CTNNA3: variants seen among roughly 807,000 people sequenced by gnomAD.
The protein encoded by CTNNA3 is catenin alpha 3, also known as catenin alpha-3.
A neutral mutation model predicts 95.7 loss-of-function variants in CTNNA3; 76 were observed. The observed-to-expected ratio is 0.79, with a 90% CI of 0.66 to 0.96. The LOEUF (loss-of-function observed/expected upper bound fraction) is 0.96, where lower values mean the gene tolerates loss of function less well. CTNNA3 is among the 40% of genes least tolerant of loss of function. The probability of loss-of-function intolerance (pLI) is 0.00; values close to 1 mark genes in which losing one functional copy is unlikely to be tolerated. For synonymous variants in CTNNA3, 431 were observed against 374.4 expected, an observed-to-expected ratio of 1.15 and a Z score of -1.74; for missense variants, 1,191 against 1,089.8, an observed-to-expected ratio of 1.09 and a Z score of -1.31.
At chr10:65,958,274 T>A (rs2077772552) in intron 17 of CTNNA3, among the ~76,000 whole-genome samples, 1 of 152,148 alleles carries the variant, frequency 6.6e-6, no homozygotes, top group Non-Finnish European at 1.5e-5. Context: ...TTATTCTAGT[T>A]AGCCATTCGT....
At chr10:66,329,197 C>T (rs2132312107) in intron 12 of CTNNA3, among the ~76,000 whole-genome samples, 1 of 151,812 alleles carries the variant, frequency 6.6e-6, no homozygotes, top group Non-Finnish European at 1.5e-5. Context: ...GTGATACACC[C>T]ACCTCAGCCT....
At chr10:67,290,242 T>C (rs535311184) in intron 5 of CTNNA3, among the ~76,000 whole-genome samples, 1 of 152,330 alleles carries the variant, frequency 6.6e-6, no homozygotes, top group African/African-American at 2.4e-5. Context: ...TATTTTATTT[T>C]GGTTTATTGG....
At chr10:66,179,311 A>G (rs572583808) in intron 13 of CTNNA3, among the ~76,000 whole-genome samples, 1 of 152,166 alleles carries the variant, frequency 6.6e-6, no homozygotes, top group South Asian at 2.1e-4. Context: ...CAAAAAGGCT[A>G]TATACTGTAT....
intron 13 of CTNNA3, among the ~76,000 whole-genome samples, chr10:66,110,037 C>T (rs183057262): frequency 6.6e-6 from 1 of 152,094 alleles, no homozygotes; most frequent in African/African-American, 2.4e-5. Flanking sequence ...TATCTCTTCA[C>T]TCATGTATCA....
intron 7 of CTNNA3, among the ~76,000 whole-genome samples, chr10:67,157,401 G>A (rs949288580): frequency 2.0e-5 from 3 of 152,092 alleles, no homozygotes; most frequent in African/African-American, 7.2e-5. Flanking sequence ...GTCCTGTTTA[G>A]TTCCAAAAGG....
intron 9 of CTNNA3, among the ~76,000 whole-genome samples, chr10:66,710,180 C>A (rs1351061326): frequency 6.6e-6 from 1 of 152,120 alleles, no homozygotes; most frequent in Non-Finnish European, 1.5e-5. Flanking sequence ...ACTGGCAAAT[C>A]CAGTGTGGAA....
chr10:67,018,495 T>C (rs1852799122), intron 7 of CTNNA3, among the ~76,000 whole-genome samples: 1 of 152,208 alleles, frequency 6.6e-6, no homozygotes, highest in African/African-American at 2.4e-5. Context: ...ACAACTGTTA[T>C]AAACATGTTT....
chr10:67,046,780 A>G (rs1854778358), intron 7 of CTNNA3, among the ~76,000 whole-genome samples: 1 of 152,184 alleles, frequency 6.6e-6, no homozygotes, highest in South Asian at 2.1e-4. Flanking sequence ...AGGGACTCAG[A>G]GCCTGGCAGG....
At chr10:67,119,704 A>T (rs1264413569) in intron 7 of CTNNA3, among the ~76,000 whole-genome samples, 2 of 151,902 alleles carry the variant, frequency 1.3e-5, no homozygotes, top group African/African-American at 4.8e-5. Flanking sequence ...AGTGAATGAG[A>T]ATTCATTAAC....
chr10:66,510,380 T>A (rs567038834), intron 11 of CTNNA3, among the ~76,000 whole-genome samples: 1 of 151,990 alleles, frequency 6.6e-6, no homozygotes, highest in South Asian at 2.1e-4. Flanking sequence ...TGGATGGCAA[T>A]TTCTTACTTT....
intron 11 of CTNNA3, among the ~76,000 whole-genome samples, chr10:66,491,342 A>G (rs1839915938): frequency 6.6e-6 from 1 of 152,164 alleles, no homozygotes; most frequent in African/African-American, 2.4e-5. Context: ...ATACAAGAAG[A>G]AAAAGGTAAC....
intron 13 of CTNNA3, among the ~76,000 whole-genome samples, chr10:66,263,926 C>G (rs1029268979): frequency 6.6e-6 from 1 of 151,918 alleles, no homozygotes; most frequent in African/African-American, 2.4e-5. Flanking sequence ...TCTGAGACAG[C>G]CGTTTCTCGG....
chr10:65,947,501 G>A (rs765829913), intron 17 of CTNNA3, among the ~76,000 whole-genome samples: 8 of 152,112 alleles, frequency 5.3e-5, no homozygotes, highest in Non-Finnish European at 1.2e-4. Context: ...AGCAACTTAC[G>A]TGTAGTAGAA....
intron 6 of CTNNA3, among the ~76,000 whole-genome samples, chr10:67,210,741 C>G (rs989528386): frequency 4.0e-5 from 6 of 148,868 alleles, no homozygotes; most frequent in Non-Finnish European, 9.0e-5. Flanking sequence ...TGGGGGGGGG[C>G]TCAATAAAAA....
At chr10:66,338,341 T>C (rs1194327748) in intron 12 of CTNNA3, among the ~76,000 whole-genome samples, 1 of 151,994 alleles carries the variant, frequency 6.6e-6, no homozygotes, top group Non-Finnish European at 1.5e-5. Context: ...CTTATTGTGG[T>C]CATGAAAATG....
chr10:66,878,363 A>G (rs1844708221), intron 7 of CTNNA3, among the ~76,000 whole-genome samples: 1 of 152,138 alleles, frequency 6.6e-6, no homozygotes, highest in Non-Finnish European at 1.5e-5. Context: ...CCATGAAAAC[A>G]TATGAAACAG....
intron 5 of CTNNA3, among the ~76,000 whole-genome samples, chr10:67,234,034 C>T (rs1284476639): frequency 2.6e-5 from 4 of 152,068 alleles, no homozygotes; most frequent in Non-Finnish European, 5.9e-5. Context: ...GCTTACCAAC[C>T]AAAAAGAGTC....
intron 10 of CTNNA3, among the ~76,000 whole-genome samples, chr10:66,616,145 T>C (rs948521415): frequency 2.0e-5 from 3 of 152,036 alleles, no homozygotes; most frequent in African/African-American, 7.2e-5. Flanking sequence ...GACAGATCCA[T>C]TAGAGGATCT....
At chr10:66,816,373 C>T (rs1013858301) in intron 7 of CTNNA3, among the ~76,000 whole-genome samples, 1 of 152,008 alleles carries the variant, frequency 6.6e-6, no homozygotes, top group African/African-American at 2.4e-5. Context: ...GGGTTAAACA[C>T]TCCAATTAAA....
Sources: allele counts gnomAD v4.1 joint callset (sites outside exome capture counted in the v4.1 genomes callset), GRCh38; gene constraint gnomAD v4.1.1; transcripts MANE v1.5; gene names NCBI Gene and HGNC (gene_info 2026-07-23, HGNC 2026-07-21).